MTTP: variants seen among roughly 807,000 people sequenced by gnomAD.
The protein encoded by MTTP is microsomal triglyceride transfer protein large subunit.
Under a neutral mutation model 90.6 loss-of-function variants are expected in MTTP, and 49 were observed. That is an observed-to-expected ratio of 0.54 (90% CI 0.43 to 0.69). The LOEUF is 0.69. MTTP is among the 30% of genes least tolerant of loss of function. The pLI is 0.00. For missense variants in MTTP, 945 were observed against 1,067.5 expected (o/e 0.89, Z 1.60); for synonymous variants, 347 against 384.2 (o/e 0.90, Z 1.13).
At chr4:99,601,810 TTACTC>T (rs140052760) in intron 10 of MTTP, 96 bp downstream of exon 10, 14,955 of 962,048 alleles carry the variant, frequency 0.016, 169 homozygotes, top group Non-Finnish European at 0.022. Context: ...CTAATTCTCT[TTACTC>T]TATTCTACTT....
chr4:99,568,279 C>T (rs1190029346), intron 1 of MTTP, among the ~76,000 whole-genome samples: 7 of 152,108 alleles, frequency 4.6e-5, no homozygotes, highest in Admixed American at 2.6e-4. Context: ...CAAAAAAAGA[C>T]GCTCACTAAA....
chr4:99,581,861 TC>T (rs776033789), intron 1 of MTTP, 43 bp from the exon 2 acceptor site: 1 of 1,595,000 alleles, frequency 6.3e-7, no homozygotes, highest in Non-Finnish European at 8.6e-7. Context: ...GACAGCATGT[TC>T]CCTTACAATG....
Position 99,612,959 on chromosome 4 carries a change from C to A in MTTP, c.2036C>A (p.Pro679His), listed in dbSNP as rs765550172. 14 of 1,613,910 alleles carry A rather than the reference C, an allele frequency of 8.7e-6. No homozygotes were observed. The highest frequency in any genetic ancestry group is 1.2e-5 in the Non-Finnish European group (14 of 1,179,946). The change falls in exon 15 of 18, where the codon CCT becomes CAT. Residue 679 changes from proline to histidine, a missense_variant. Coordinates refer to ENST00000265517, the MANE Select transcript of MTTP (RefSeq NM_001386140.1). ...QGLEALIAAT[P>H]DEGEENLDSY... ...CTGGAAGCCTTAATCGCAGCCACCC[C>A]TGACGAGGGGGAGGAGAACCTTGAC... is the stretch of plus-strand genomic sequence containing the variant.
chr4:99,571,522 G>C (rs1724842254), upstream of MTTP, among the ~76,000 whole-genome samples: 3 of 151,644 alleles, frequency 2.0e-5, no homozygotes, highest in South Asian at 6.2e-4. Flanking sequence ...TTTGGTTGTT[G>C]TCAAATTTGT....
intron 3 of MTTP, chr4:99,584,247 A>G (rs1725201048): frequency 1.3e-5 from 2 of 152,246 alleles, no homozygotes; most frequent in Admixed American, 6.5e-5. Context: ...AAAATTACAG[A>G]TAGTGTGTTG....
intron 1 of MTTP, among the ~76,000 whole-genome samples, chr4:99,569,573 CAATA>C (rs1248169715): frequency 1.3e-5 from 2 of 151,798 alleles, no homozygotes; most frequent in African/African-American, 2.4e-5. Flanking sequence ...CTGTTATAAA[CAATA>C]AACCTATTTT....
chr4:99,575,674 A>G (rs993110661), intron 1 of MTTP, among the ~76,000 whole-genome samples: 5 of 152,236 alleles, frequency 3.3e-5, no homozygotes, highest in African/African-American at 1.2e-4. Context: ...TTTTATGAGG[A>G]ATGGTTTCAT....
chr4:99,583,349 A>G, intron 2 of MTTP, 25 bp from the exon 3 acceptor site: 1 of 1,610,976 alleles, frequency 6.2e-7, no homozygotes, highest in Non-Finnish European at 8.5e-7. Flanking sequence ...AGTTTTTTTT[A>G]ACAGCTTTCT....
At chr4:99,600,235 G>T (rs1311986907) in intron 8 of MTTP, among the ~76,000 whole-genome samples, 4 of 152,048 alleles carry the variant, frequency 2.6e-5, no homozygotes, top group Non-Finnish European at 4.4e-5. Context: ...ATATAGGAAA[G>T]AATTTGAACT....
At chr4:99,622,611 G>C in intron 17 of MTTP, 66 bp from the exon 18 acceptor site, 1 of 1,540,512 alleles carries the variant, frequency 6.5e-7, no homozygotes, top group Non-Finnish European at 9.0e-7. Flanking sequence ...TCAGTAACTT[G>C]GCTGGAGAGG....
At position 99,574,873 on chromosome 4, in the gene MTTP, G is replaced by A. The variant is rs1286322372; in HGVS notation, c.-37G>A. 6.2e-7 allele frequency: 1 copy of A among 1,613,968 alleles called. No individual in the cohort carries two copies. Among genetic ancestry groups the A allele is most frequent in the African/African-American group, 1.3e-5 (1 of 74,922 alleles). On this transcript the variant is annotated 5_prime_UTR_variant, in exon 1 of 18. Transcript: ENST00000265517. Reference sequence around the variant, plus strand: ...AGAGTCCACTTCTCAGTGACTCCTAGCTGGGCACTGGATGCAGTTGAGGAT... The same window carrying A: ...AGAGTCCACTTCTCAGTGACTCCTAACTGGGCACTGGATGCAGTTGAGGAT...
intron 6 of MTTP, among the ~76,000 whole-genome samples, chr4:99,593,565 T>C (rs183430981): frequency 1.3e-3 from 191 of 152,254 alleles, no homozygotes; most frequent in African/African-American, 4.4e-3. Context: ...TCTTAGAGTT[T>C]CTGTTATTTT....
At chr4:99,619,707 TG>T (rs1726183353) in intron 16 of MTTP, among the ~76,000 whole-genome samples, 1 of 152,226 alleles carries the variant, frequency 6.6e-6, no homozygotes, top group African/African-American at 2.4e-5. Context: ...TTTAATTTTT[TG>T]ATATTTAAAA....
rs1283123475 is a variant in MTTP, at chr4:99,582,045, C to A, written c.202C>A (p.Leu68Ile). 7.4e-6 allele frequency: 12 copies of A among 1,614,048 alleles called. No individual in the cohort carries two copies. Among genetic ancestry groups the A allele is most frequent in the Non-Finnish European group, 1.0e-5 (12 of 1,180,018 alleles). Residue 68 changes from leucine to isoleucine, a missense_variant, in exon 2 of 18, where the codon CTA becomes ATA. By Grantham distance (5) the Leu-to-Ile change is conservative (BLOSUM62 2). Coordinates refer to ENST00000265517, the MANE Select transcript of MTTP (RefSeq NM_001386140.1). Reference sequence around the variant, plus strand: ...TTCCTCCAACGTGGATGTGGCCTTACTATGGAGGAATCCTGATGGTGATGA... The same window carrying A: ...TTCCTCCAACGTGGATGTGGCCTTAATATGGAGGAATCCTGATGGTGATGA... ...RISSNVDVAL[L>I]WRNPDGDDDQ...
At position 99,622,852 on chromosome 4, in the gene MTTP, T is replaced by C. The variant is rs1367321046; in HGVS notation, c.*4T>C. ...TACTTCCAGCGGATGGTTTTGAAAC[T>C]GACCTGTGATATTTTACTTGAATTT... On this transcript the variant is annotated 3_prime_UTR_variant, in exon 18 of 18. Coordinates refer to ENST00000265517, the MANE Select transcript of MTTP (RefSeq NM_001386140.1). The C allele has an allele frequency of 6.2e-7, 1 of 1,613,844 alleles. No homozygotes were observed. Among genetic ancestry groups the C allele is most frequent in the Non-Finnish European group, 8.5e-7 (1 of 1,179,702 alleles).
chr4:99,594,174 C>A (rs1331109427), intron 6 of MTTP, among the ~76,000 whole-genome samples: 1 of 152,176 alleles, frequency 6.6e-6, no homozygotes, highest in Non-Finnish European at 1.5e-5. Context: ...AAGCTGAATT[C>A]TCTTTTAAGA....
chr4:99,583,341 T>A (rs751649606), intron 2 of MTTP, 33 bp from the exon 3 acceptor site: 1 of 1,609,472 alleles, frequency 6.2e-7, no homozygotes, highest in South Asian at 1.1e-5. Context: ...ATATAGGAAG[T>A]TTTTTTTAAC....
At chr4:99,565,990 A>C (rs1724682868) in intron 1 of MTTP, among the ~76,000 whole-genome samples, 1 of 152,154 alleles carries the variant, frequency 6.6e-6, no homozygotes, top group African/African-American at 2.4e-5. Context: ...GGAATACTGG[A>C]AGAAAAATAG....
At chr4:99,571,268 G>A (rs557015809), upstream of MTTP, among the ~76,000 whole-genome samples, 2 of 151,370 alleles carry the variant, frequency 1.3e-5, no homozygotes, top group Non-Finnish European at 3.0e-5. Flanking sequence ...TTGTTGTATC[G>A]TATATACTTT....
Sources: allele counts gnomAD v4.1 joint callset (sites outside exome capture counted in the v4.1 genomes callset), GRCh38; gene constraint gnomAD v4.1.1; transcripts MANE v1.5; gene names NCBI Gene and HGNC (gene_info 2026-07-23, HGNC 2026-07-21).